The following ADGRB3 variants were observed in gnomAD, a reference collection of about 807,000 sequenced individuals.
ADGRB3 encodes the protein brain-specific angiogenesis inhibitor 3.
In ADGRB3, 37 loss-of-function variants were observed where a neutral mutation model predicts 193.4. The observed-to-expected ratio is 0.19, with a 90% CI of 0.15 to 0.25. ADGRB3 has a LOEUF of 0.25. Ranked by LOEUF, ADGRB3 falls within the 10% of genes least tolerant of loss-of-function variation. The pLI is 1.00. For synonymous variants in ADGRB3, 690 were observed against 644.2 expected, an observed-to-expected ratio of 1.07 and a Z score of -1.08; for missense variants, 1,637 against 1,852.9, an observed-to-expected ratio of 0.88 and a Z score of 2.14.
At chr6:69,007,773 G>A (rs757891119) in intron 11 of ADGRB3, among the ~76,000 whole-genome samples, 3 of 150,676 alleles carry the variant, frequency 2.0e-5, no homozygotes, top group Non-Finnish European at 2.9e-5. Context: ...TTTTGTTTTC[G>A]TGTCACTGTC....
intron 3 of ADGRB3, among the ~76,000 whole-genome samples, chr6:68,642,054 T>A (rs1561980339): frequency 6.6e-6 from 1 of 152,098 alleles, no homozygotes; most frequent in Non-Finnish European, 1.5e-5. Flanking sequence ...TTATATTTTA[T>A]ATTACTTGGT....
chr6:68,772,851 CT>C, intron 3 of ADGRB3, among the ~76,000 whole-genome samples: 1 of 93,078 alleles, frequency 1.1e-5, no homozygotes, highest in Non-Finnish European at 2.1e-5. Flanking sequence ...AAACCTATTT[CT>C]AAAAACAAAC....
intron 13 of ADGRB3, among the ~76,000 whole-genome samples, chr6:69,026,261 C>T (rs531491671): frequency 6.6e-6 from 1 of 152,252 alleles, no homozygotes; most frequent in African/African-American, 2.4e-5. Context: ...GTCAAGAGAG[C>T]AGTGTCATTT....
In ADGRB3 at chr6:68,802,212, A is replaced by G. The variant is rs113416198; in HGVS notation, c.758-128347A>G. Among the ~76,000 whole-genome samples the G allele has an allele frequency of 2.8e-3, 377 of 136,208 alleles. 1 individual carries two copies. Among genetic ancestry groups the G allele is most frequent in the African/African-American group, 9.9e-3 (327 of 32,936 alleles). The allele number at this position is 136,208 out of a possible 152,430, so 89.4% of individuals were successfully genotyped here. On this transcript the variant is annotated intron_variant, in intron 3 of 31. Coordinates refer to ENST00000370598, the MANE Select transcript of ADGRB3 (RefSeq NM_001704.3). The stretch of plus-strand genomic sequence containing the variant: ...TGTGTGTGTGTGTGTGTGTGTGTGT[A>G]TGTGTGTGTGTGTACCACAGTAACT...
chr6:69,146,481 T>A (rs1468713484), intron 17 of ADGRB3, among the ~76,000 whole-genome samples: 3 of 152,182 alleles, frequency 2.0e-5, no homozygotes, highest in African/African-American at 7.2e-5. Context: ...AGGGTGGGGC[T>A]CCTGCCTGCT....
At chr6:69,123,165 C>T (rs568439126) in intron 17 of ADGRB3, among the ~76,000 whole-genome samples, 1 of 151,864 alleles carries the variant, frequency 6.6e-6, no homozygotes, top group Non-Finnish European at 1.5e-5. Context: ...GATAAATATG[C>T]ACAATATGGG....
chr6:69,367,486 A>C (rs1005072341), intron 29 of ADGRB3, among the ~76,000 whole-genome samples: 10 of 151,942 alleles, frequency 6.6e-5, no homozygotes, highest in South Asian at 4.2e-4. Context: ...CCAACAGTGT[A>C]AAAGTGTTCC....
chr6:69,332,566 A>G (rs572625474), intron 23 of ADGRB3: 2 of 985,416 alleles, frequency 2.0e-6, no homozygotes, highest in East Asian at 1.1e-4. Context: ...GCTCATGGGC[A>G]TAGGGTAAAA....
intron 3 of ADGRB3, among the ~76,000 whole-genome samples, chr6:68,754,777 A>G (rs1766268151): frequency 1.3e-5 from 2 of 152,142 alleles, no homozygotes; most frequent in African/African-American, 4.8e-5. Flanking sequence ...GAAGATATCA[A>G]CATGTATGCT....
chr6:69,197,548 C>T (rs770061604), intron 17 of ADGRB3, among the ~76,000 whole-genome samples: 33 of 151,888 alleles, frequency 2.2e-4, no homozygotes, highest in South Asian at 2.1e-4. Context: ...TAATAATTCA[C>T]GGAAAGGACA....
intron 3 of ADGRB3, among the ~76,000 whole-genome samples, chr6:68,813,203 C>A (rs969644551): frequency 6.6e-6 from 1 of 152,098 alleles, no homozygotes; most frequent in African/African-American, 2.4e-5. Flanking sequence ...TCCTCATTCT[C>A]TCTTGTGGCT....
intron 16 of ADGRB3, among the ~76,000 whole-genome samples, chr6:69,071,303 A>G (rs17402311): frequency 0.016 from 2,405 of 152,298 alleles, 30 homozygotes; most frequent in Non-Finnish European, 0.025. Flanking sequence ...GAGGGCTAGA[A>G]AAGATGTCCA....
chr6:69,041,903 A>T (rs1771083020), intron 13 of ADGRB3, among the ~76,000 whole-genome samples: 1 of 152,130 alleles, frequency 6.6e-6, no homozygotes, highest in African/African-American at 2.4e-5. Flanking sequence ...TGATGTTTTA[A>T]ATGTTAACTA....
intron 16 of ADGRB3, among the ~76,000 whole-genome samples, chr6:69,064,577 A>G (rs1012275821): frequency 8.5e-5 from 13 of 152,106 alleles, no homozygotes; most frequent in African/African-American, 3.1e-4. Context: ...TGTATTCAAA[A>G]TTTTTTACAA....
At chr6:69,094,110 G>T (rs1458543111) in intron 17 of ADGRB3, among the ~76,000 whole-genome samples, 1 of 152,128 alleles carries the variant, frequency 6.6e-6, no homozygotes, top group Non-Finnish European at 1.5e-5. Context: ...AGGTGGACAG[G>T]TTAGAGAGGT....
Position 69,018,477 on chromosome 6 carries a change from A to T in ADGRB3, c.2085A>T (p.Ser695=). 1 of 1,605,010 alleles carries T rather than the reference A, an allele frequency of 6.2e-7. No individual in the cohort carries two copies. The highest frequency in any genetic ancestry group is 8.5e-7 in the Non-Finnish European group (1 of 1,173,262). Residue 695 remains serine (S), a synonymous_variant, in exon 13 of 32, where the codon TCA becomes TCT. Transcript: ENST00000370598. ...TGGGGATGATGGACTTTCAGAATTC[A>T]TACTTAATGACTGGAAATGTAGGTA... is the stretch of plus-strand genomic sequence containing the variant. ...VGMGMMDFQN[S]YLMTGNVVAS... is the part of the protein sequence containing the mutation.
At chr6:69,338,612 T>A (rs996746851) in intron 24 of ADGRB3, among the ~76,000 whole-genome samples, 1 of 152,204 alleles carries the variant, frequency 6.6e-6, no homozygotes, top group Non-Finnish European at 1.5e-5. Context: ...ACTGTATGTC[T>A]ACAGAAGCAC....
At chr6:69,041,478 C>T (rs186811837) in intron 13 of ADGRB3, among the ~76,000 whole-genome samples, 4 of 152,154 alleles carry the variant, frequency 2.6e-5, no homozygotes, top group Middle Eastern at 3.4e-3. Context: ...GAAAATGTTA[C>T]GAGGCAAAAT....
chr6:68,711,866 A>C (rs568379308), intron 3 of ADGRB3, among the ~76,000 whole-genome samples: 1 of 152,220 alleles, frequency 6.6e-6, no homozygotes, highest in African/African-American at 2.4e-5. Context: ...TTAGCATGAA[A>C]ATTTATCAAC....
Sources: gnomAD v4.1 joint callset for allele counts (sites outside exome capture counted in the v4.1 genomes callset) on GRCh38, gnomAD v4.1.1 for gene constraint, MANE v1.5 for transcripts, NCBI Gene and HGNC (gene_info 2026-07-23, HGNC 2026-07-21) for gene names.